SGCZ: variants seen among roughly 807,000 people sequenced by gnomAD.
SGCZ encodes the protein zeta-sarcoglycan.
In SGCZ, 40 loss-of-function variants were observed where a neutral mutation model predicts 41.3. The observed-to-expected ratio is 0.97, with a 90% CI of 0.75 to 1.26. The LOEUF is 1.26. Ranked by LOEUF, SGCZ falls within the 50% of genes most tolerant of loss-of-function variation. SGCZ has a pLI of 0.00. For missense variants in SGCZ, 552 were observed against 369.8 expected (o/e 1.49, Z -4.04); for synonymous variants, 206 against 137.5 (o/e 1.50, Z -3.49).
At chr8:14,304,161 T>C (rs1252144236) in intron 3 of SGCZ, among the ~76,000 whole-genome samples, 1 of 152,046 alleles carries the variant, frequency 6.6e-6, no homozygotes, top group African/African-American at 2.4e-5. Context: ...AAAATATAGG[T>C]GCTGGATGTT....
chr8:15,177,761 G>A (rs564194509), intron 1 of SGCZ, among the ~76,000 whole-genome samples: 1 of 152,268 alleles, frequency 6.6e-6, no homozygotes, highest in East Asian at 1.9e-4. Context: ...ATCTTCACTT[G>A]TAAGCAATCA....
chr8:14,250,331 C>A (rs918267651), intron 3 of SGCZ, among the ~76,000 whole-genome samples: 1 of 152,110 alleles, frequency 6.6e-6, no homozygotes, highest in Non-Finnish European at 1.5e-5. Context: ...GAATGTTTGC[C>A]CTCCACACCC....
chr8:14,541,295 T>C (rs936568633), intron 2 of SGCZ, among the ~76,000 whole-genome samples: 6 of 151,890 alleles, frequency 4.0e-5, no homozygotes, highest in African/African-American at 1.5e-4. Context: ...ATGCTCTCCC[T>C]CCCCTTTACC....
chr8:14,132,132 C>T (rs949423013), intron 5 of SGCZ, among the ~76,000 whole-genome samples: 1 of 152,026 alleles, frequency 6.6e-6, no homozygotes. Flanking sequence ...CTTCAACTTT[C>T]CTTATTCCTT....
rs541363430 is a variant in SGCZ, at chr8:14,393,189, A to G, written c.235-68985T>C. Among the ~76,000 whole-genome samples, 9 of 152,312 alleles carry G rather than the reference A, an allele frequency of 5.9e-5. No individual in the cohort carries two copies. The East Asian group carries it at 1.5e-3, about 26-fold the overall frequency. ...GTGCGATATTGATATAAGAGTTAAG[A>G]AGAAATCACTTTGGCAGATAGTAAA... On this transcript the variant is annotated intron_variant, in intron 2 of 7. Coordinates refer to ENST00000382080, the MANE Select transcript of SGCZ (RefSeq NM_139167.4).
At chr8:14,599,750 C>A (rs991602659) in intron 1 of SGCZ, among the ~76,000 whole-genome samples, 1 of 152,180 alleles carries the variant, frequency 6.6e-6, no homozygotes, top group Non-Finnish European at 1.5e-5. Context: ...TTTACTAAAG[C>A]TCTGACATTA....
At chr8:14,839,588 CT>C (rs1277232502) in intron 1 of SGCZ, among the ~76,000 whole-genome samples, 4 of 152,254 alleles carry the variant, frequency 2.6e-5, no homozygotes, top group South Asian at 4.1e-4. Context: ...GCAATAAACA[CT>C]TTTTTTCCAC....
At chr8:15,224,380 T>C (rs1801702685) in intron 1 of SGCZ, among the ~76,000 whole-genome samples, 2 of 152,126 alleles carry the variant, frequency 1.3e-5, no homozygotes, top group African/African-American at 2.4e-5. Context: ...AGTGTAATAC[T>C]TTTAATATCC....
intron 1 of SGCZ, among the ~76,000 whole-genome samples, chr8:14,914,256 G>C (rs1799362896): frequency 6.6e-6 from 1 of 150,650 alleles, no homozygotes; most frequent in Non-Finnish European, 1.5e-5. Context: ...AGTGTGTAAT[G>C]TCAATTAACT....
intron 3 of SGCZ, among the ~76,000 whole-genome samples, chr8:14,240,153 C>T (rs1419318552): frequency 9.3e-5 from 14 of 151,150 alleles, no homozygotes; most frequent in African/African-American, 3.4e-4. Flanking sequence ...ATGGCCAAAC[C>T]CCATCTCTAC....
chr8:15,129,121 TC>T (rs1807808471), intron 1 of SGCZ, among the ~76,000 whole-genome samples: 1 of 152,230 alleles, frequency 6.6e-6, no homozygotes, highest in Non-Finnish European at 1.5e-5. Context: ...AGTATCTTCT[TC>T]TTTCAGTCCA....
intron 1 of SGCZ, among the ~76,000 whole-genome samples, chr8:15,231,822 G>T (rs761159418): frequency 2.6e-5 from 4 of 151,888 alleles, no homozygotes; most frequent in South Asian, 4.2e-4. Flanking sequence ...GGGTTTCACC[G>T]TGTTGGCCAG....
At chr8:14,543,062 ATCTG>A (rs777477719) in intron 2 of SGCZ, among the ~76,000 whole-genome samples, 25 of 152,016 alleles carry the variant, frequency 1.6e-4, no homozygotes, top group Non-Finnish European at 3.4e-4. Context: ...TTTTACTTTA[ATCTG>A]TCTGTTCTGC....
At chr8:14,620,097 G>A (rs1259184833) in intron 1 of SGCZ, among the ~76,000 whole-genome samples, 1 of 152,064 alleles carries the variant, frequency 6.6e-6, no homozygotes, top group African/African-American at 2.4e-5. Flanking sequence ...CAGAGATATA[G>A]ACCAATGGAA....
chr8:14,717,240 T>A (rs1273730581), intron 1 of SGCZ, among the ~76,000 whole-genome samples: 1 of 152,148 alleles, frequency 6.6e-6, no homozygotes, highest in Non-Finnish European at 1.5e-5. Context: ...TTATATTTGT[T>A]AATATTTAAG....
At chr8:15,179,050 T>C (rs1424376091) in intron 1 of SGCZ, among the ~76,000 whole-genome samples, 3 of 152,268 alleles carry the variant, frequency 2.0e-5, no homozygotes, top group Non-Finnish European at 4.4e-5. Flanking sequence ...CTACGTATTA[T>C]ATCCATGGAC....
chr8:14,679,635 T>C (rs1199184784), intron 1 of SGCZ, among the ~76,000 whole-genome samples: 2 of 151,936 alleles, frequency 1.3e-5, no homozygotes, highest in Non-Finnish European at 2.9e-5. Context: ...TAAAGATTTA[T>C]AAATAAAACA....
chr8:14,373,703 G>C (rs771716404), intron 2 of SGCZ, among the ~76,000 whole-genome samples: 2 of 152,164 alleles, frequency 1.3e-5, no homozygotes, highest in African/African-American at 2.4e-5. Context: ...GTGGAATGCT[G>C]GGGGCAAAAG....
chr8:14,613,908 A>C (rs1391845757), intron 1 of SGCZ, among the ~76,000 whole-genome samples: 1 of 152,176 alleles, frequency 6.6e-6, no homozygotes, highest in African/African-American at 2.4e-5. Context: ...AAAAATCAAA[A>C]TCTAGCAGAC....
Sources: allele counts gnomAD v4.1 joint callset (sites outside exome capture counted in the v4.1 genomes callset), GRCh38; gene constraint gnomAD v4.1.1; transcripts MANE v1.5; gene names NCBI Gene and HGNC (gene_info 2026-07-23, HGNC 2026-07-21).